Variants in MAFG observed in about 807,000 individuals in gnomAD.
MAFG encodes the protein transcription factor MafG.
A neutral mutation model predicts 12.2 loss-of-function variants in MAFG; 3 were observed. The observed-to-expected ratio is 0.25, with a 90% confidence interval of 0.11 to 0.64. The LOEUF (loss-of-function observed/expected upper bound fraction) is 0.64. Among genes scored for constraint, MAFG ranks in the 30% least tolerant of loss-of-function variants. The probability of loss-of-function intolerance (pLI) is 0.85; values close to 1 mark genes in which losing one functional copy is unlikely to be tolerated. For synonymous variants in MAFG, 126 were observed against 109.1 expected (o/e 1.15, Z -0.96); for missense variants, 153 against 235.5 (o/e 0.65, Z 2.29).
chr17:81,923,343 C>T, intron 1 of MAFG, 129 bp from the exon 2 acceptor site: 1 of 605,604 alleles, frequency 1.7e-6, no homozygotes, highest in Non-Finnish European at 2.8e-6. Flanking sequence ...AGGTGCCCAG[C>T]CCCCAATACC....
chr17:81,923,083 G>A, intron 2 of MAFG, 26 bp from the exon 3 acceptor site: 1 of 1,608,636 alleles, frequency 6.2e-7, no homozygotes, highest in Non-Finnish European at 8.5e-7. Context: ...GGTGGTCACA[G>A]GCCAAGCGGG....
At chr17:81,930,233 G>C (rs2040974785), upstream of MAFG, 1 of 152,358 alleles carries the variant, frequency 6.6e-6, no homozygotes, top group African/African-American at 2.4e-5. The surrounding 1 kb of genome is among the most constrained non-coding windows in gnomAD (Gnocchi z 4.1). Flanking sequence ...AGGGGCTGCT[G>C]ACCCACTGGT....
Position 81,919,017 on chromosome 17 carries a change from G to C in MAFG, c.*3588C>G, listed in dbSNP as rs1227330994. ...AGGCAGGACAGGCATTAGTCTCTCA[G>C]ACACGCCCTGCCTCTGTGTGGCACT... On this transcript the variant is annotated 3_prime_UTR_variant, in exon 3 of 3. Coordinates refer to ENST00000357736, the MANE Select transcript of MAFG (RefSeq NM_002359.4). The C allele has an allele frequency of 2.0e-5, 3 of 152,240 alleles. No individual in the cohort carries two copies. The highest frequency in any genetic ancestry group is 7.2e-5 in the African/African-American group (3 of 41,440). 9.4% of individuals were successfully genotyped at this position (152,240 alleles called of 1,614,324 possible).
In MAFG at chr17:81,918,334, C is replaced by T; in HGVS notation, c.*4271G>A. 1 of 440,854 alleles carries T rather than the reference C, an allele frequency of 2.3e-6. No homozygotes were observed. 27.3% of individuals were successfully genotyped at this position (440,854 alleles called of 1,614,324 possible). A position where few individuals can be genotyped will look rare whatever the true frequency, so the allele number is the denominator to read the frequency against. ...AAACCTTATATATCACAAACATACA[C>T]TATGTACAGCAATAAATACCCGGGG... On this transcript the variant is annotated 3_prime_UTR_variant, in exon 3 of 3. Coordinates refer to ENST00000357736, the MANE Select transcript of MAFG (RefSeq NM_002359.4).
rs770461670 is a variant in MAFG at position 81,923,031 on chromosome 17, G to A, written c.63C>T (p.Gly21=). ...CCAGCTCCTCATCCGTCAGGCTGGT[G>A]CCATTCTCACCCGGCTCCCGCTTCA... is the stretch of plus-strand genomic sequence containing the variant. The part of the protein sequence containing the change: ...LKVKREPGEN[G]TSLTDEELVT... Residue 21 remains glycine, a synonymous_variant, in exon 3 of 3, where the codon GGC becomes GGT. Coordinates refer to ENST00000357736, the MANE Select transcript of MAFG (RefSeq NM_002359.4). 50 of 1,598,148 alleles carry A rather than the reference G, an allele frequency of 3.1e-5. No homozygotes were observed. The highest frequency in any genetic ancestry group is 3.8e-5 in the Non-Finnish European group (45 of 1,172,150).
Position 81,920,770 on chromosome 17 carries a change from AG to A in MAFG, c.*1834del, listed in dbSNP as rs1469391138. On this transcript the variant is annotated 3_prime_UTR_variant, in exon 3 of 3. Coordinates refer to ENST00000357736, the MANE Select transcript of MAFG (RefSeq NM_002359.4). ...CGTGGACCAGCGGAGAAGAGGGACAAGACCCGGCCCTGGAGACTGTAGCCCT... is the reference window on the plus strand; with the variant it reads ...CGTGGACCAGCGGAGAAGAGGGACAAACCCGGCCCTGGAGACTGTAGCCCT... 1 of 152,560 alleles carries A rather than the reference AG, an allele frequency of 6.6e-6. No individual in the cohort carries two copies. The highest frequency in any genetic ancestry group is 1.5e-5 in the Non-Finnish European group (1 of 68,276). 9.5% of individuals were successfully genotyped at this position (152,560 alleles called of 1,614,324 possible).
In MAFG at chr17:81,919,247, A is replaced by T. The variant is rs1048059366; in HGVS notation, c.*3358T>A. 6.6e-6 allele frequency: 1 copy of T among 152,280 alleles called. No homozygotes were observed. The highest frequency in any genetic ancestry group is 2.4e-5 in the African/African-American group (1 of 41,472). The allele number at this position is 152,280 out of a possible 1,614,324, so 9.4% of individuals were successfully genotyped here. On this transcript the variant is annotated 3_prime_UTR_variant, in exon 3 of 3. Transcript: ENST00000357736. Reference sequence around the variant, plus strand: ...GCAGGCTGCGGCTCCGACTTTCCAGATGTGGATGGGCGCTTTGGCCAAGTG... The same window carrying T: ...GCAGGCTGCGGCTCCGACTTTCCAGTTGTGGATGGGCGCTTTGGCCAAGTG...
chr17:81,925,996 C>CTGTGTGTGTGTGTGTGTGTGTG (rs532478689), intron 1 of MAFG, among the ~76,000 whole-genome samples: 2 of 89,028 alleles, frequency 2.2e-5, no homozygotes, highest in African/African-American at 9.4e-5. Context: ...GAGAATGGAC[C>CTGTGTGTGTGTGTGTGTGTGTG]TGTGTGTGTG....
chr17:81,926,617 C>T lies in MAFG; in HGVS notation c.-30+911G>A, dbSNP rs893783308. 6.6e-6 allele frequency among the ~76,000 whole-genome samples: 1 copy of T among 152,204 alleles called. No homozygotes were observed. Among genetic ancestry groups the T allele is most frequent in the Admixed American group, 6.5e-5 (1 of 15,284 alleles). ...TAGCTCGGCCCACCGAAGCTCCTCC[C>T]CTCCCTCACTCAGGGAACTATTTCC... On this transcript the variant is annotated intron_variant, in intron 1 of 2. Transcript: ENST00000357736. This position sits in a 1 kb window ranked among gnomAD's most constrained non-coding sequence, Gnocchi z 4.6.
rs1017624615 is a variant in MAFG at position 81,926,942 on chromosome 17, T to G, written c.-30+586A>C. ...GCTCGAATCCCCTCCGGTATCAGCT[T>G]GAGCACCGAGTGACCTCACGCTGAT... On this transcript the variant is annotated intron_variant, in intron 1 of 2. Transcript: ENST00000357736. This position sits in a 1 kb window ranked among gnomAD's most constrained non-coding sequence, Gnocchi z 4.6. Among the ~76,000 whole-genome samples, 1 of 151,996 alleles carries G rather than the reference T, an allele frequency of 6.6e-6. No individual in the cohort carries two copies. The highest frequency in any genetic ancestry group is 2.4e-5 in the African/African-American group (1 of 41,384).
At chr17:81,923,275 C>CCCA (rs1178401778) in intron 1 of MAFG, 61 bp from the exon 2 acceptor site, 1 of 966,400 alleles carries the variant, frequency 1.0e-6, no homozygotes, top group Non-Finnish European at 1.4e-6. Flanking sequence ...CCCCCCCCCC[C>CCCA]GCCCCCGGCC....
In MAFG at chr17:81,923,068, G is replaced by A. The variant is rs202167700; in HGVS notation, c.37-11C>T. ...CGGCTCCCGCTTCACCTGGGGCACAGTGCAGGTGGTCACAGGCCAAGCGGG... is the reference window on the plus strand; with the variant it reads ...CGGCTCCCGCTTCACCTGGGGCACAATGCAGGTGGTCACAGGCCAAGCGGG... On this transcript the variant is annotated splice_polypyrimidine_tract_variant and intron_variant, in intron 2 of 2. Transcript: ENST00000357736. The A allele has an allele frequency of 3.2e-4, 508 of 1,607,376 alleles. 6 individuals carry two copies. The highest frequency in any genetic ancestry group is 1.3e-5 in the Non-Finnish European group (15 of 1,177,328).
At chr17:81,923,259 C>CGGGGGGGGGGGG in intron 1 of MAFG, 45 bp from the exon 2 acceptor site, 1 of 881,046 alleles carries the variant, frequency 1.1e-6, no homozygotes. Flanking sequence ...CCACCCTCGC[C>CGGGGGGGGGGGG]GCACCCCCCC....
rs1354536722 is a variant in MAFG at position 81,923,230 on chromosome 17, C to A, written c.-29-16G>T. The A allele has an allele frequency of 7.0e-7, 1 of 1,430,692 alleles. No homozygotes were observed. Among genetic ancestry groups the A allele is most frequent in the African/African-American group, 1.5e-5 (1 of 65,564 alleles). The allele number at this position is 1,430,692 out of a possible 1,614,324, so 88.6% of individuals were successfully genotyped here. ...CAGGCGCTCTCTGCAAGACACGGAG[C>A]AGGTCAGTACCCTGGAGACCACCCT... On this transcript the variant is annotated splice_polypyrimidine_tract_variant and intron_variant, in intron 1 of 2. Transcript: ENST00000357736.
upstream of MAFG, chr17:81,927,805 C>G (rs1039754759): frequency 1.3e-5 from 2 of 152,134 alleles, no homozygotes; most frequent in Non-Finnish European, 2.9e-5. Flanking sequence ...GGGGAAGGCG[C>G]GGCGGCGGGA....
Position 81,926,590 on chromosome 17 carries a change from G to A in MAFG, c.-30+938C>T, listed in dbSNP as rs72634332. ...CCAGGGAAAGCCGACTTCCCCTTTG[G>A]CTAGCTCGGCCCACCGAAGCTCCTC... is the stretch of plus-strand genomic sequence containing the variant. On this transcript the variant is annotated intron_variant, in intron 1 of 2. Coordinates refer to ENST00000357736, the MANE Select transcript of MAFG (RefSeq NM_002359.4). This position sits in a 1 kb window ranked among gnomAD's most constrained non-coding sequence, Gnocchi z 4.6. 2.7e-3 allele frequency among the ~76,000 whole-genome samples: 415 copies of A among 152,198 alleles called. 9 individuals carry two copies. In the East Asian group the frequency reaches 0.058, roughly 21 times the overall value.
upstream of MAFG, chr17:81,930,409 T>C (rs888736408): frequency 1.3e-5 from 2 of 151,288 alleles, no homozygotes; most frequent in South Asian, 2.1e-4. The surrounding 1 kb of genome is among the most constrained non-coding windows in gnomAD (Gnocchi z 4.1). Context: ...CTCAAGCCTA[T>C]AATCCCAGCA....
chr17:81,923,557 G>C (rs1414544032), intron 1 of MAFG: 1 of 201,704 alleles, frequency 5.0e-6, no homozygotes, highest in Non-Finnish European at 9.9e-6. Context: ...GAAGGAAGCC[G>C]GGAGCTTTAA....
intron 1 of MAFG, among the ~76,000 whole-genome samples, chr17:81,925,001 G>A (rs1033195608): frequency 6.6e-6 from 1 of 152,322 alleles, no homozygotes; most frequent in Non-Finnish European, 1.5e-5. Flanking sequence ...GCAAGCCATC[G>A]CCTCCTATCA....
Sources: allele counts gnomAD v4.1 joint callset (sites outside exome capture counted in the v4.1 genomes callset), GRCh38; gene constraint gnomAD v4.1.1; non-coding constraint Gnocchi (gnomAD v3.1); transcripts MANE v1.5; gene names NCBI Gene and HGNC (gene_info 2026-07-23, HGNC 2026-07-21).